The following BARX2 variants were observed in gnomAD, a reference collection of about 807,000 sequenced individuals.
BARX2 encodes BARX homeobox 2.
A neutral mutation model predicts 25.5 loss-of-function variants in BARX2; 11 were observed. The ratio of observed to expected loss-of-function variants is 0.43; its 90% CI spans 0.27 to 0.71. The LOEUF (loss-of-function observed/expected upper bound fraction) is 0.71, where lower values mean the gene tolerates loss of function less well. Among genes scored for constraint, BARX2 ranks in the 30% least tolerant of loss-of-function variants. The pLI is 0.19. For missense variants in BARX2, 360 were observed against 359.9 expected, an observed-to-expected ratio of 1.00 and a Z score of 0.00; for synonymous variants, 137 against 149.5, an observed-to-expected ratio of 0.92 and a Z score of 0.61.
At chr11:129,396,313 G>A (rs182656152) in intron 1 of BARX2, among the ~76,000 whole-genome samples, 8 of 151,584 alleles carry the variant, frequency 5.3e-5, no homozygotes, top group Non-Finnish European at 8.8e-5. Flanking sequence ...CTTACTTGAC[G>A]TCTCCCTGCC....
intron 1 of BARX2, among the ~76,000 whole-genome samples, chr11:129,400,381 T>A (rs1244735851): frequency 2.6e-5 from 4 of 152,072 alleles, no homozygotes; most frequent in Non-Finnish European, 4.4e-5. Flanking sequence ...CTGGGGAAGA[T>A]CTTCTGGATG....
intron 3 of BARX2, among the ~76,000 whole-genome samples, chr11:129,450,208 G>A (rs1033809155): frequency 6.6e-6 from 1 of 152,130 alleles, no homozygotes; most frequent in Admixed American, 6.5e-5. Context: ...TTTAAACTCT[G>A]CTGTACTACT....
chr11:129,417,499 G>A (rs897211422), intron 1 of BARX2, among the ~76,000 whole-genome samples: 2 of 152,218 alleles, frequency 1.3e-5, no homozygotes, highest in African/African-American at 2.4e-5. Flanking sequence ...CGAAAGGAAC[G>A]CGTGCCTGCA....
chr11:129,450,045 A>G (rs2135418948), intron 3 of BARX2, among the ~76,000 whole-genome samples: 1 of 152,256 alleles, frequency 6.6e-6, no homozygotes, highest in Non-Finnish European at 1.5e-5. Context: ...GGTCACCCTC[A>G]CTGTCACCCT....
chr11:129,382,876 A>G (rs1256386885), intron 1 of BARX2, among the ~76,000 whole-genome samples: 1 of 152,214 alleles, frequency 6.6e-6, no homozygotes, highest in Non-Finnish European at 1.5e-5. Context: ...TGGAAGCAGC[A>G]TGACGACGAG....
intron 1 of BARX2, among the ~76,000 whole-genome samples, chr11:129,382,144 C>A (rs1366329828): frequency 6.6e-6 from 1 of 152,100 alleles, no homozygotes; most frequent in South Asian, 2.1e-4. Context: ...AAGGTAGGTA[C>A]GTCACATGGG....
At chr11:129,443,149 GA>G (rs143566005) in intron 3 of BARX2, among the ~76,000 whole-genome samples, 2 of 151,762 alleles carry the variant, frequency 1.3e-5, no homozygotes, top group South Asian at 2.1e-4. Context: ...GAAATCAAAG[GA>G]AAAAAAGCTT....
At chr11:129,446,952 A>AT (rs762731278) in intron 3 of BARX2, among the ~76,000 whole-genome samples, 4 of 152,186 alleles carry the variant, frequency 2.6e-5, no homozygotes, top group Non-Finnish European at 5.9e-5. Context: ...ACCCCCACTA[A>AT]TAAGTCTACT....
intron 1 of BARX2, among the ~76,000 whole-genome samples, chr11:129,414,248 C>G (rs907252960): frequency 6.6e-6 from 1 of 152,060 alleles, no homozygotes; most frequent in African/African-American, 2.4e-5. Flanking sequence ...GGTTTAAGTT[C>G]TGTCTACATT....
At chr11:129,437,123 C>A in intron 2 of BARX2, 72 bp downstream of exon 2, 3 of 1,421,032 alleles carry the variant, frequency 2.1e-6, no homozygotes, top group Non-Finnish European at 2.8e-6. Flanking sequence ...CATTGTGGGC[C>A]GTGGAGCCAC....
At chr11:129,427,019 A>G (rs1862071030) in intron 1 of BARX2, among the ~76,000 whole-genome samples, 2 of 152,188 alleles carry the variant, frequency 1.3e-5, no homozygotes, top group African/African-American at 4.8e-5. Flanking sequence ...TTTGCATGTG[A>G]ATGCACAGAT....
In BARX2 at chr11:129,436,958, A is replaced by G. The variant is rs1044679108; in HGVS notation, c.395A>G (p.Lys132Arg). 9.3e-6 allele frequency: 15 copies of G among 1,611,764 alleles called. No homozygotes were observed. The highest frequency in any genetic ancestry group is 1.3e-5 in the African/African-American group (1 of 74,900). ...GAACAGCCCACGCCCCGACAGAAGA[A>G]GCCCCGCCGGAGTCGCACCATCTTC... is the stretch of plus-strand genomic sequence containing the variant. ...ETEQPTPRQK[K>R]PRRSRTIFTE... Residue 132 changes from lysine to arginine, a missense_variant, in exon 2 of 4, where the codon AAG (lysine) becomes AGG (arginine). Lys to Arg is a conservative substitution (Grantham distance 26). Transcript: ENST00000281437. The surrounding 1 kb of genome is among the most constrained non-coding windows in gnomAD (Gnocchi z 4.5).
intron 3 of BARX2, among the ~76,000 whole-genome samples, chr11:129,445,039 T>G (rs1862308511): frequency 6.7e-6 from 1 of 149,770 alleles, no homozygotes; most frequent in African/African-American, 2.5e-5. Flanking sequence ...ATAATAAAAA[T>G]AAAATAAAAA....
rs1388098659 is a variant in BARX2, at chr11:129,436,718, C to T, written c.188-33C>T. 4 of 1,536,842 alleles carry T rather than the reference C, an allele frequency of 2.6e-6. No individual in the cohort carries two copies. The highest frequency in any genetic ancestry group is 3.5e-6 in the Non-Finnish European group (4 of 1,137,436). On this transcript the variant is annotated intron_variant, in intron 1 of 3. Coordinates refer to ENST00000281437, the MANE Select transcript of BARX2 (RefSeq NM_003658.5). The surrounding 1 kb of genome is among the most constrained non-coding windows in gnomAD (Gnocchi z 4.5). ...CTGGCCTGCTTCCCCACACCGTTCC[C>T]TGTGGTGACCTGCCTCCCTGCTTGT...
chr11:129,426,911 C>T (rs995312316), intron 1 of BARX2, among the ~76,000 whole-genome samples: 1 of 151,980 alleles, frequency 6.6e-6, no homozygotes, highest in Non-Finnish European at 1.5e-5. Flanking sequence ...CTCTGAGCTC[C>T]CTGGTTGCTG....
At chr11:129,412,861 A>C (rs1861904358) in intron 1 of BARX2, among the ~76,000 whole-genome samples, 1 of 152,246 alleles carries the variant, frequency 6.6e-6, no homozygotes, top group African/African-American at 2.4e-5. Flanking sequence ...TCTGGCCCTA[A>C]AATAAGTTCT....
intron 1 of BARX2, among the ~76,000 whole-genome samples, chr11:129,411,354 G>C (rs1861884591): frequency 7.3e-6 from 1 of 137,268 alleles, no homozygotes; most frequent in Admixed American, 7.7e-5. Context: ...CTGGGTGACA[G>C]AGTGAGACTC....
intron 3 of BARX2, among the ~76,000 whole-genome samples, chr11:129,449,715 C>T (rs937008312): frequency 6.6e-6 from 1 of 152,146 alleles, no homozygotes; most frequent in Non-Finnish European, 1.5e-5. Flanking sequence ...TATATCTTTT[C>T]TCGACTCTAG....
chr11:129,376,266 A>G lies in BARX2; in HGVS notation c.187+44A>G. 1.3e-6 allele frequency: 2 copies of G among 1,548,844 alleles called. No homozygotes were observed. Among genetic ancestry groups the G allele is most frequent in the Non-Finnish European group, 1.8e-6 (2 of 1,140,758 alleles). On this transcript the variant is annotated intron_variant, in intron 1 of 3. Transcript: ENST00000281437. The surrounding 1 kb of genome is among the most constrained non-coding windows in gnomAD (Gnocchi z 4.2). ...GGATAAGTGGGGTTCGGTAGCTTTC[A>G]CGTCCGTGTAGGTGGCCTGTGCTTT...
Sources: gnomAD v4.1 joint callset for allele counts (sites outside exome capture counted in the v4.1 genomes callset) on GRCh38, gnomAD v4.1.1 for gene constraint, Gnocchi (gnomAD v3.1) non-coding constraint, MANE v1.5 for transcripts, NCBI Gene and HGNC (gene_info 2026-07-23, HGNC 2026-07-21) for gene names.